The following PRUNE2 variants were observed in gnomAD, a reference collection of about 807,000 sequenced individuals.
PRUNE2 encodes the protein protein prune homolog 2.
In PRUNE2, 164 loss-of-function variants were observed where a neutral mutation model predicts 252.0. The ratio of observed to expected loss-of-function variants is 0.65; its 90% CI spans 0.57 to 0.74. The LOEUF is 0.74. Ranked by LOEUF, PRUNE2 falls within the 30% of genes least tolerant of loss-of-function variation. The pLI, the probability that PRUNE2 is intolerant of heterozygous loss-of-function variation, is 0.00. For missense variants in PRUNE2, 3,495 were observed against 3,711.0 expected (o/e 0.94, Z 1.51); for synonymous variants, 1,292 against 1,350.2 (o/e 0.96, Z 0.94).
rs376356094 is a variant in PRUNE2, at chr9:76,619,356, A to T, written c.9220T>A (p.Ser3074Thr). 214 of 1,606,002 alleles carry T rather than the reference A, an allele frequency of 1.3e-4. 1 individual carries two copies. The African/African-American group carries it at 2.2e-3, about 17-fold the overall frequency. The change falls in exon 18 of 19, where the codon TCT becomes ACT. Residue 3074 changes from serine (S) to threonine (T), a missense_variant. By Grantham distance (58) the Ser-to-Thr change is moderately conservative. Transcript: ENST00000376718. Reference sequence around the variant, plus strand: ...AATTCTTACTCCTTCTCCATAGAAGACATTTCTGGATCATTGTAAAGGCAG... The same window carrying T: ...AATTCTTACTCCTTCTCCATAGAAGTCATTTCTGGATCATTGTAAAGGCAG... ...TSCLYNDPEM[S>T]SMEKDIDLKL... is the part of the protein sequence containing the mutation.
At chr9:76,813,775 A>G (rs1456047579) in intron 6 of PRUNE2, among the ~76,000 whole-genome samples, 1 of 152,208 alleles carries the variant, frequency 6.6e-6, no homozygotes, top group Non-Finnish European at 1.5e-5. Flanking sequence ...TAAAGAGTAT[A>G]CATTGTATAC....
chr9:76,642,369 T>G (rs1411809205), intron 12 of PRUNE2, among the ~76,000 whole-genome samples: 1 of 152,192 alleles, frequency 6.6e-6, no homozygotes, highest in Non-Finnish European at 1.5e-5. Context: ...GTGCAATAGC[T>G]CATATCAAGG....
chr9:76,664,232 C>T (rs899475804), intron 9 of PRUNE2, among the ~76,000 whole-genome samples: 2 of 152,088 alleles, frequency 1.3e-5, no homozygotes, highest in Non-Finnish European at 2.9e-5. Context: ...TGGGAGAAAC[C>T]AGCTACCCTG....
intron 6 of PRUNE2, among the ~76,000 whole-genome samples, chr9:76,731,280 CTCTATCTATCTATCTA>C (rs1182228208): frequency 1.2e-5 from 1 of 86,848 alleles, no homozygotes; most frequent in Non-Finnish European, 2.3e-5. Flanking sequence ...TATTCCCTCT[CTCTATCTATCTATCTA>C]TCTATCTATC....
Position 76,905,937 on chromosome 9 carries a change from T to C in PRUNE2, c.27A>G (p.Lys9=), listed in dbSNP as rs150274366. The change falls in exon 1 of 19, where the codon AAA becomes AAG. Residue 9 remains lysine, a synonymous_variant. Transcript: ENST00000376718. ...TGCTCACTCAACTTACCAGTTTAGA[T>C]TTGGCGCGTTGCAAAAATTCTTCCA... The part of the protein sequence containing the change: MEEFLQRA[K]SKLNRSKRLE... 75 of 1,614,062 alleles carry C rather than the reference T, an allele frequency of 4.6e-5. No homozygotes were observed. Among genetic ancestry groups the C allele is most frequent in the Non-Finnish European group, 6.1e-5 (72 of 1,180,034 alleles).
In PRUNE2 at chr9:76,748,420, G is replaced by A. The variant is rs74473345; in HGVS notation, c.757-34699C>T. ...TAATGGGATGCAGTTATGACCAGAG[G>A]AGAGGCACCAAATTCTGAACGGGAC... is the stretch of plus-strand genomic sequence containing the variant. On this transcript the variant is annotated intron_variant, in intron 6 of 18. Transcript: ENST00000376718. 2.7e-4 allele frequency among the ~76,000 whole-genome samples: 41 copies of A among 152,302 alleles called. No individual in the cohort carries two copies. The East Asian group carries it at 7.7e-3, about 29-fold the overall frequency.
chr9:76,855,056 C>A (rs1252752116), intron 1 of PRUNE2, among the ~76,000 whole-genome samples: 4 of 112,294 alleles, frequency 3.6e-5, no homozygotes, highest in African/African-American at 1.6e-4. Flanking sequence ...CAGAGCAAGA[C>A]TCCATCTCAA....
intron 6 of PRUNE2, among the ~76,000 whole-genome samples, chr9:76,781,141 T>G (rs1460257781): frequency 6.6e-6 from 1 of 152,228 alleles, no homozygotes; most frequent in Non-Finnish European, 1.5e-5. Flanking sequence ...CAAACCATGG[T>G]CACCTCTCCC....
chr9:76,814,639 T>C (rs10747001), intron 6 of PRUNE2, among the ~76,000 whole-genome samples: 12 of 151,898 alleles, frequency 7.9e-5, no homozygotes, highest in Admixed American at 7.9e-4. Context: ...ATTGGGCCCA[T>C]TGCATCAAGA....
At chr9:76,726,640 T>C (rs962154356) in intron 6 of PRUNE2, among the ~76,000 whole-genome samples, 1 of 152,158 alleles carries the variant, frequency 6.6e-6, no homozygotes, top group Non-Finnish European at 1.5e-5. Context: ...AGAATGAAAA[T>C]TATGCTGAAT....
In PRUNE2 at chr9:76,708,962, G is replaced by C. The variant is rs1588732852; in HGVS notation, c.3312C>G (p.Ser1104=). Residue 1104 remains serine, a synonymous_variant, in exon 8 of 19, where the codon TCC becomes TCG. Transcript: ENST00000376718. ...CGAGACTGTCAGGGGCCGTCTGCCG[G>C]GAGTTGGTGCTGCTGTGCAAAAGTG... ...QLTLLHSSTN[S]RQTAPDSLDL... The C allele has an allele frequency of 1.2e-6, 2 of 1,613,940 alleles. No individual in the cohort carries two copies. Among genetic ancestry groups the C allele is most frequent in the South Asian group, 1.1e-5 (1 of 91,084 alleles).
intron 6 of PRUNE2, among the ~76,000 whole-genome samples, chr9:76,720,900 T>A (rs1386643519): frequency 6.6e-6 from 1 of 151,872 alleles, no homozygotes; most frequent in African/African-American, 2.4e-5. Flanking sequence ...GATCACAAGA[T>A]CAGGAGATCG....
chr9:76,743,059 T>C (rs1032980483), intron 6 of PRUNE2, among the ~76,000 whole-genome samples: 1 of 152,198 alleles, frequency 6.6e-6, no homozygotes, highest in Non-Finnish European at 1.5e-5. Flanking sequence ...GATGGTTTTA[T>C]AAGGGGCTTC....
intron 9 of PRUNE2, among the ~76,000 whole-genome samples, chr9:76,656,136 T>TAATC (rs1346672528): frequency 1.3e-5 from 2 of 152,226 alleles, no homozygotes; most frequent in Non-Finnish European, 2.9e-5. Flanking sequence ...CTCTTGTTTC[T>TAATC]AATCAGTGCT....
intron 7 of PRUNE2, among the ~76,000 whole-genome samples, chr9:76,712,518 G>A (rs1458142154): frequency 6.6e-6 from 1 of 152,188 alleles, no homozygotes; most frequent in Non-Finnish European, 1.5e-5. Flanking sequence ...AGGAGGACTG[G>A]GGTCAACTCA....
chr9:76,832,950 CA>C (rs2058748823), intron 4 of PRUNE2, among the ~76,000 whole-genome samples: 1 of 151,946 alleles, frequency 6.6e-6, no homozygotes, highest in South Asian at 2.1e-4. Context: ...TAGGAAAATT[CA>C]ACTTGCCAAA....
chr9:76,694,113 G>T lies in PRUNE2; in HGVS notation c.8276+9224C>A, dbSNP rs2045124692. On this transcript the variant is annotated intron_variant, in intron 9 of 18. Transcript: ENST00000376718. The stretch of plus-strand genomic sequence containing the variant: ...TAGAAGGGGCTTCCTTCCCCATTTG[G>T]GAAAGGCAGCAACTGAAGGCTACAG... Among the ~76,000 whole-genome samples the T allele has an allele frequency of 2.0e-5, 3 of 152,198 alleles. No homozygotes were observed. In the South Asian group the frequency reaches 6.2e-4, roughly 32 times the overall value.
intron 15 of PRUNE2, among the ~76,000 whole-genome samples, chr9:76,634,950 T>G (rs1284724096): frequency 3.3e-5 from 5 of 152,184 alleles, no homozygotes; most frequent in Non-Finnish European, 5.9e-5. Context: ...AGTGGCTCTT[T>G]GTATACCTTA....
chr9:76,842,545 C>A (rs2059448591), intron 4 of PRUNE2, among the ~76,000 whole-genome samples: 1 of 152,112 alleles, frequency 6.6e-6, no homozygotes. Flanking sequence ...AATGAACAGG[C>A]AACCTACAGA....
Sources: gnomAD v4.1 joint callset for allele counts (sites outside exome capture counted in the v4.1 genomes callset) on GRCh38, gnomAD v4.1.1 for gene constraint, MANE v1.5 for transcripts, NCBI Gene and HGNC (gene_info 2026-07-23, HGNC 2026-07-21) for gene names.